Variants in HCLS1 observed in about 807,000 individuals in gnomAD.
HCLS1 encodes the protein hematopoietic lineage cell-specific protein.
A neutral mutation model predicts 68.6 loss-of-function variants in HCLS1; 44 were observed. That is an observed-to-expected ratio of 0.64 (90% confidence interval 0.50 to 0.82). The LOEUF is 0.82. Ranked by LOEUF, HCLS1 falls within the 40% of genes least tolerant of loss-of-function variation. The probability of loss-of-function intolerance (pLI) is 0.00; values close to 1 mark genes in which losing one functional copy is unlikely to be tolerated. For synonymous variants in HCLS1, 217 were observed against 225.8 expected (o/e 0.96, Z 0.35); for missense variants, 602 against 612.1 (o/e 0.98, Z 0.17).
chr3:121,646,231 TTA>T (rs1183561805), intron 4 of HCLS1, among the ~76,000 whole-genome samples: 4 of 110,394 alleles, frequency 3.6e-5, no homozygotes, highest in African/African-American at 7.5e-5. Flanking sequence ...TTTTATATAT[TTA>T]TATATATTTT....
At chr3:121,641,216 C>T (rs904068008) in intron 6 of HCLS1, among the ~76,000 whole-genome samples, 3 of 151,676 alleles carry the variant, frequency 2.0e-5, no homozygotes, top group South Asian at 2.1e-4. Flanking sequence ...AAAAAAAACC[C>T]GGAGATATAA....
At chr3:121,644,779 A>C in intron 5 of HCLS1, 39 bp downstream of exon 5, 1 of 1,397,106 alleles carries the variant, frequency 7.2e-7, no homozygotes, top group Non-Finnish European at 1.0e-6. Context: ...TTTTCACAGG[A>C]CTGGAGGTGG....
At chr3:121,658,213 C>G in intron 2 of HCLS1, 51 bp downstream of exon 2, 22 of 1,336,782 alleles carry the variant, frequency 1.6e-5, no homozygotes, top group Non-Finnish European at 2.0e-5. Flanking sequence ...CCCAGATGCC[C>G]TCCTCACCCC....
At chr3:121,640,090 T>C (rs374119909) in intron 6 of HCLS1, among the ~76,000 whole-genome samples, 4 of 152,112 alleles carry the variant, frequency 2.6e-5, no homozygotes, top group African/African-American at 7.2e-5. Context: ...TTCATATCAC[T>C]AGAAATCTTA....
chr3:121,638,074 T>G (rs1028761826), intron 6 of HCLS1, among the ~76,000 whole-genome samples: 6 of 152,228 alleles, frequency 3.9e-5, no homozygotes, highest in Middle Eastern at 3.4e-3. Flanking sequence ...AGGGCATTTT[T>G]GGGGGATTTT....
At chr3:121,639,160 C>A (rs1378877059) in intron 6 of HCLS1, among the ~76,000 whole-genome samples, 1 of 151,968 alleles carries the variant, frequency 6.6e-6, no homozygotes, top group African/African-American at 2.4e-5. Flanking sequence ...GTATTTTAGG[C>A]AAAAACGAAT....
intron 6 of HCLS1, among the ~76,000 whole-genome samples, chr3:121,639,025 G>GCACACA (rs368121558): frequency 5.1e-5 from 7 of 137,142 alleles, no homozygotes; most frequent in South Asian, 2.3e-4. Context: ...ACACACACAC[G>GCACACA]CACACACACA....
At position 121,637,356 on chromosome 3, in the gene HCLS1, G is replaced by C. The variant is rs913071526; in HGVS notation, c.455-100C>G. Reference sequence around the variant, plus strand: ...CAGCAGGAATGGGTACAGAGTGTTAGGGGCCTGGGAAAAGAGCAGGGCTTG... The same window carrying C: ...CAGCAGGAATGGGTACAGAGTGTTACGGGCCTGGGAAAAGAGCAGGGCTTG... On this transcript the variant is annotated intron_variant, in intron 6 of 13. Coordinates refer to ENST00000314583, the MANE Select transcript of HCLS1 (RefSeq NM_005335.6). 1.0e-5 allele frequency: 8 copies of C among 768,782 alleles called. No homozygotes were observed. The African/African-American group carries it at 1.2e-4, about 12-fold the overall frequency. The allele number at this position is 768,782 out of a possible 1,614,324, so 47.6% of individuals were successfully genotyped here.
At chr3:121,637,120 C>T (rs1409204779) in intron 7 of HCLS1, 26 bp downstream of exon 7, 3 of 1,475,052 alleles carry the variant, frequency 2.0e-6, no homozygotes, top group Non-Finnish European at 1.9e-6. Context: ...CTATCTGTGA[C>T]CTTCCCCCTT....
At chr3:121,653,581 AG>A (rs1294000512) in intron 3 of HCLS1, 4 of 152,240 alleles carry the variant, frequency 2.6e-5, no homozygotes, top group African/African-American at 9.6e-5. Flanking sequence ...ATCTCCAGTC[AG>A]CGCTGGAAAT....
At chr3:121,634,559 G>A in intron 9 of HCLS1, 141 bp from the exon 10 acceptor site, 1 of 758,906 alleles carries the variant, frequency 1.3e-6, no homozygotes, top group East Asian at 2.7e-5. Context: ...GGTATCGATA[G>A]AGGAACAAGG....
Position 121,642,899 on chromosome 3 carries a change from G to A in HCLS1, c.454+28C>T, listed in dbSNP as rs771060465. The A allele has an allele frequency of 5.7e-6, 9 of 1,586,842 alleles. No homozygotes were observed. In the African/African-American group the frequency reaches 1.2e-4, roughly 21 times the overall value. On this transcript the variant is annotated intron_variant, in intron 6 of 13. Transcript: ENST00000314583. The stretch of plus-strand genomic sequence containing the variant: ...AGAAGAGCCTGCCGGTCAGATTGCT[G>A]AGGCTGAGTGAAGTACAGTGTCCTT...
chr3:121,633,364 C>T (rs969843896), intron 10 of HCLS1, among the ~76,000 whole-genome samples, 193 bp from the exon 11 acceptor site: 4 of 152,142 alleles, frequency 2.6e-5, no homozygotes, highest in African/African-American at 7.2e-5. Flanking sequence ...TACAGGCACA[C>T]GCCACTATGC....
intron 12 of HCLS1, 55 bp downstream of exon 12, chr3:121,632,277 T>C: frequency 1.2e-6 from 2 of 1,605,534 alleles, no homozygotes; most frequent in Admixed American, 3.3e-5. Context: ...TTCTTCTTCC[T>C]CTTACCCTCC....
chr3:121,636,590 T>G (rs530195536), intron 7 of HCLS1, 101 bp from the exon 8 acceptor site: 2 of 888,352 alleles, frequency 2.3e-6, no homozygotes, highest in African/African-American at 1.6e-5. Context: ...AAAACAAATG[T>G]AGGAGGAAAT....
chr3:121,643,143 T>C, intron 5 of HCLS1, 162 bp from the exon 6 acceptor site: 1 of 599,524 alleles, frequency 1.7e-6, no homozygotes, highest in Non-Finnish European at 3.0e-6. Context: ...CACAGGATAC[T>C]ACAGAGCAAT....
rs757624390 is a variant in HCLS1, at chr3:121,634,373, G to A, written c.737C>T (p.Ala246Val). 1 of 1,614,098 alleles carries A rather than the reference G, an allele frequency of 6.2e-7. No homozygotes were observed. The highest frequency in any genetic ancestry group is 8.5e-7 in the Non-Finnish European group (1 of 1,179,976). Reference sequence around the variant, plus strand: ...TTCCTCTCGCTTCCTCTTCTCCTCAGCCATGGACTCAAATTTCGCCTTCAG... The same window carrying A: ...TTCCTCTCGCTTCCTCTTCTCCTCAACCATGGACTCAAATTTCGCCTTCAG... ...RGLKAKFESMAEEKRKREEEE... is the reference protein window; with the variant it reads ...RGLKAKFESMVEEKRKREEEE... Residue 246 changes from alanine to valine, a missense_variant, in exon 10 of 14, where the codon GCT (alanine) becomes GTT (valine). Ala to Val is a moderately conservative substitution (Grantham distance 64). Coordinates refer to ENST00000314583, the MANE Select transcript of HCLS1 (RefSeq NM_005335.6).
intron 6 of HCLS1, among the ~76,000 whole-genome samples, 173 bp from the exon 7 acceptor site, chr3:121,637,429 T>G (rs528071847): frequency 6.6e-6 from 1 of 152,232 alleles, no homozygotes; most frequent in South Asian, 2.1e-4. Context: ...GTCTTTTAAT[T>G]GAATATTGCT....
At chr3:121,644,963 T>A in intron 4 of HCLS1, 35 bp from the exon 5 acceptor site, 2 of 1,487,532 alleles carry the variant, frequency 1.3e-6, no homozygotes, top group Non-Finnish European at 1.9e-6. Flanking sequence ...AGTGAAAAGA[T>A]AAAAATGACC....
Sources: gnomAD v4.1 joint callset for allele counts (sites outside exome capture counted in the v4.1 genomes callset) on GRCh38, gnomAD v4.1.1 for gene constraint, MANE v1.5 for transcripts, NCBI Gene and HGNC (gene_info 2026-07-23, HGNC 2026-07-21) for gene names.